The following SFRP1 variants were observed in gnomAD, a reference collection of about 807,000 sequenced individuals.
SFRP1 encodes secreted frizzled-related protein 1.
SFRP1 carries 9 observed loss-of-function variants against 25.9 expected under a neutral mutation model. The ratio of observed to expected loss-of-function variants is 0.35; its 90% CI spans 0.21 to 0.61. The LOEUF is 0.61. Among genes scored for constraint, SFRP1 ranks in the 20% least tolerant of loss-of-function variants. The probability of loss-of-function intolerance (pLI) is 0.78; values close to 1 mark genes in which losing one functional copy is unlikely to be tolerated. For missense variants in SFRP1, 346 were observed against 418.2 expected (o/e 0.83, Z 1.51); for synonymous variants, 178 against 174.0 (o/e 1.02, Z -0.18).
At chr8:41,266,420 C>T (rs1469535204) in intron 2 of SFRP1, among the ~76,000 whole-genome samples, 1 of 151,950 alleles carries the variant, frequency 6.6e-6, no homozygotes, top group Non-Finnish European at 1.5e-5. Context: ...ACAAAAAATC[C>T]TGAGTGTTTT....
rs1242166180 is a variant in SFRP1, at chr8:41,285,762, G to A, written c.622+17699C>T. Among the ~76,000 whole-genome samples the A allele has an allele frequency of 2.0e-5, 3 of 152,326 alleles. No individual in the cohort carries two copies. The South Asian group carries it at 6.2e-4, about 32-fold the overall frequency. ...CCTCCTCTGAAGAGCATTCTGGGGTGAGGCAGGGACCTAGGACAGACAGGC... is the reference window on the plus strand; with the variant it reads ...CCTCCTCTGAAGAGCATTCTGGGGTAAGGCAGGGACCTAGGACAGACAGGC... On this transcript the variant is annotated intron_variant, in intron 2 of 2. Coordinates refer to ENST00000220772, the MANE Select transcript of SFRP1 (RefSeq NM_003012.5).
chr8:41,280,054 G>A lies in SFRP1; in HGVS notation c.623-14565C>T, dbSNP rs535859885. Among the ~76,000 whole-genome samples, 10 of 152,212 alleles carry A rather than the reference G, an allele frequency of 6.6e-5. No individual in the cohort carries two copies. The East Asian group carries it at 1.6e-3, about 24-fold the overall frequency. On this transcript the variant is annotated intron_variant, in intron 2 of 2. Coordinates refer to ENST00000220772, the MANE Select transcript of SFRP1 (RefSeq NM_003012.5). ...GCCTGCTCTGACTCCGGCCCTTGGC[G>A]GGCACGAGGTCCAGTCTGAGCCTGG...
intron 2 of SFRP1, among the ~76,000 whole-genome samples, chr8:41,291,346 T>C (rs1330584244): frequency 6.6e-6 from 1 of 152,076 alleles, no homozygotes; most frequent in Non-Finnish European, 1.5e-5. Context: ...TTTTGCCTGT[T>C]TTGTCATCAT....
At chr8:41,268,773 C>T (rs1803466934) in intron 2 of SFRP1, among the ~76,000 whole-genome samples, 1 of 152,116 alleles carries the variant, frequency 6.6e-6, no homozygotes, top group Non-Finnish European at 1.5e-5. Flanking sequence ...ATGATGCATC[C>T]CGGGGCTGCT....
Position 41,263,445 on chromosome 8 carries a change from G to A in SFRP1, c.*1722C>T, listed in dbSNP as rs1318825148. 6.6e-6 allele frequency: 1 copy of A among 152,194 alleles called. No individual in the cohort carries two copies. The highest frequency in any genetic ancestry group is 1.5e-5 in the Non-Finnish European group (1 of 68,050). 9.4% of individuals were successfully genotyped at this position (152,194 alleles called of 1,614,324 possible). A position where few individuals can be genotyped will look rare whatever the true frequency, so the allele number is the denominator to read the frequency against. ...CGGTAGGTAACTAGGCGGGCATGCT[G>A]ATTTTCATACTGGAGTCTTCAAGAG... On this transcript the variant is annotated 3_prime_UTR_variant, in exon 3 of 3. Transcript: ENST00000220772.
At chr8:41,306,957 G>A (rs968164761) in intron 1 of SFRP1, 13 of 1,507,390 alleles carry the variant, frequency 8.6e-6, no homozygotes, top group Admixed American at 6.1e-5. Flanking sequence ...CACCTTTTCC[G>A]CAGCCGAGCC....
At chr8:41,279,492 G>A (rs1341806615) in intron 2 of SFRP1, among the ~76,000 whole-genome samples, 1 of 152,090 alleles carries the variant, frequency 6.6e-6, no homozygotes, top group Middle Eastern at 3.2e-3. Context: ...AAAGGTTCAA[G>A]TCCCACAACT....
intron 2 of SFRP1, among the ~76,000 whole-genome samples, chr8:41,284,612 A>G (rs998268712): frequency 6.6e-6 from 1 of 152,206 alleles, no homozygotes; most frequent in Admixed American, 6.5e-5. Flanking sequence ...GCAGCAAATG[A>G]AGTGACCTGC....
chr8:41,268,979 T>C (rs1256172677), intron 2 of SFRP1, among the ~76,000 whole-genome samples: 2 of 152,168 alleles, frequency 1.3e-5, no homozygotes, highest in African/African-American at 4.8e-5. Context: ...AGGTCCTGGG[T>C]TCTTCTCTGA....
At chr8:41,302,249 C>G (rs188493241) in intron 2 of SFRP1, among the ~76,000 whole-genome samples, 1 of 152,296 alleles carries the variant, frequency 6.6e-6, no homozygotes, top group Non-Finnish European at 1.5e-5. Context: ...TACGCGCTCT[C>G]CAGTTTAGCT....
At chr8:41,273,035 C>A (rs1563359255) in intron 2 of SFRP1, among the ~76,000 whole-genome samples, 1 of 152,170 alleles carries the variant, frequency 6.6e-6, no homozygotes, top group Non-Finnish European at 1.5e-5. Flanking sequence ...TTTAAAATTG[C>A]CAAATTTGAT....
intron 2 of SFRP1, among the ~76,000 whole-genome samples, chr8:41,301,213 G>A (rs930289506): frequency 6.6e-6 from 1 of 152,188 alleles, no homozygotes; most frequent in Non-Finnish European, 1.5e-5. Context: ...GGATGTCAGG[G>A]CCACTTAATG....
intron 2 of SFRP1, among the ~76,000 whole-genome samples, chr8:41,281,530 C>G (rs185089267): frequency 6.6e-6 from 1 of 152,210 alleles, no homozygotes; most frequent in Non-Finnish European, 1.5e-5. Flanking sequence ...ATTGAGGATG[C>G]GGAGGCAGCT....
intron 2 of SFRP1, among the ~76,000 whole-genome samples, chr8:41,269,799 T>C (rs910526598): frequency 6.6e-6 from 1 of 152,096 alleles, no homozygotes; most frequent in South Asian, 2.1e-4. Flanking sequence ...TGGCATGGGG[T>C]TGCATTAGGA....
chr8:41,305,494 T>C (rs116407900), intron 1 of SFRP1, among the ~76,000 whole-genome samples: 1,676 of 152,288 alleles, frequency 0.011, 29 homozygotes, highest in African/African-American at 0.038. Flanking sequence ...AACGGCTGAC[T>C]CTGGAGCAGC....
chr8:41,276,127 G>A (rs1017473778), intron 2 of SFRP1, among the ~76,000 whole-genome samples: 1 of 152,058 alleles, frequency 6.6e-6, no homozygotes, highest in African/African-American at 2.4e-5. Flanking sequence ...CAGTCGCATG[G>A]GCCTGCTCCA....
At chr8:41,305,106 G>T (rs1314948985) in intron 1 of SFRP1, among the ~76,000 whole-genome samples, 1 of 152,214 alleles carries the variant, frequency 6.6e-6, no homozygotes, top group African/African-American at 2.4e-5. Context: ...ATATGGAAAG[G>T]ACCAGGTTAC....
chr8:41,292,135 A>G (rs1803787004), intron 2 of SFRP1, among the ~76,000 whole-genome samples: 1 of 152,234 alleles, frequency 6.6e-6, no homozygotes, highest in Non-Finnish European at 1.5e-5. Context: ...TGTGCAGGTA[A>G]GAGCTATCTA....
Position 41,308,646 on chromosome 8 carries a change from G to A in SFRP1, c.514C>T (p.Pro172Ser). 3 of 1,607,666 alleles carry A rather than the reference G, an allele frequency of 1.9e-6. No individual in the cohort carries two copies. Among genetic ancestry groups the A allele is most frequent in the Non-Finnish European group, 2.6e-6 (3 of 1,175,958 alleles). The change falls in exon 1 of 3, where the codon CCC (proline) becomes TCC (serine). Residue 172 changes from proline (P) to serine (S), a missense_variant. Coordinates refer to ENST00000220772, the MANE Select transcript of SFRP1 (RefSeq NM_003012.5). Reference protein sequence around the residue: ...EGDVCIAMTPPNATEASKPQG... With the variant: ...EGDVCIAMTPSNATEASKPQG... ...GGCTTGGAGGCTTCGGTGGCATTGG[G>A]CGGCGTCATGGCGATGCAGACGTCC...
Sources: allele counts gnomAD v4.1 joint callset (sites outside exome capture counted in the v4.1 genomes callset), GRCh38; gene constraint gnomAD v4.1.1; transcripts MANE v1.5; gene names NCBI Gene and HGNC (gene_info 2026-07-23, HGNC 2026-07-21).